Variants in GYPE observed in about 807,000 individuals in gnomAD.
GYPE encodes the protein glycophorin E (MNS blood group).
Under a neutral mutation model 11.6 loss-of-function variants are expected in GYPE, and 8 were observed. The observed-to-expected ratio is 0.69, with a 90% CI of 0.41 to 1.25. GYPE has a LOEUF of 1.25. GYPE is among the 50% of genes most tolerant of loss of function. The pLI is 0.01. For missense variants in GYPE, 90 were observed against 92.8 expected (o/e 0.97, Z 0.12); for synonymous variants, 28 against 29.6 (o/e 0.94, Z 0.18).
At chr4:143,889,751 C>G (rs1248630424) in intron 1 of GYPE, among the ~76,000 whole-genome samples, 3 of 152,148 alleles carry the variant, frequency 2.0e-5, no homozygotes, top group Non-Finnish European at 4.4e-5. Context: ...GTAGTTAACA[C>G]TTACTGCACA....
At chr4:143,883,208 C>G (rs775108430) in intron 1 of GYPE, among the ~76,000 whole-genome samples, 10 of 151,992 alleles carry the variant, frequency 6.6e-5, no homozygotes, top group Non-Finnish European at 1.3e-4. Context: ...CTCCAAGGCT[C>G]TCTCTCCCGA....
chr4:143,872,885 A>G (rs75080303), intron 3 of GYPE, among the ~76,000 whole-genome samples: 2 of 11,080 alleles, frequency 1.8e-4, no homozygotes, highest in African/African-American at 3.0e-3. Flanking sequence ...GAGAGGGTTG[A>G]AGGGGGCAGG....
chr4:143,890,324 C>G lies in GYPE; in HGVS notation c.38-9815G>C, dbSNP rs1744355310. 2.6e-5 allele frequency among the ~76,000 whole-genome samples: 4 copies of G among 152,286 alleles called. No homozygotes were observed. The South Asian group carries it at 8.3e-4, about 32-fold the overall frequency. ...GAATCCTCAGAACAAAAGAGGATTT[C>G]ACATATTTTACCTGTGTCCGCTTTA... On this transcript the variant is annotated intron_variant, in intron 1 of 3. Coordinates refer to ENST00000358615, the MANE Select transcript of GYPE (RefSeq NM_198682.3).
intron 1 of GYPE, among the ~76,000 whole-genome samples, chr4:143,896,841 G>C (rs1440741970): frequency 6.6e-6 from 1 of 152,134 alleles, no homozygotes; most frequent in East Asian, 1.9e-4. Context: ...AAAAGGATGA[G>C]TTCATGTCCT....
rs768746796 is a variant in GYPE at position 143,880,394 on chromosome 4, T to A, written c.136+17A>T. 5 of 1,613,828 alleles carry A rather than the reference T, an allele frequency of 3.1e-6. No individual in the cohort carries two copies. The highest frequency in any genetic ancestry group is 2.2e-5 in the East Asian group (1 of 44,874). ...CGATTTCGGAGCCACAATTTAAAAATAAAAATGAAAACAAACCATTTGTCT... is the reference window on the plus strand; with the variant it reads ...CGATTTCGGAGCCACAATTTAAAAAAAAAAATGAAAACAAACCATTTGTCT... On this transcript the variant is annotated intron_variant, in intron 2 of 3. Coordinates refer to ENST00000358615, the MANE Select transcript of GYPE (RefSeq NM_198682.3).
rs570692659 is a variant in GYPE, at chr4:143,902,491, T to C, written c.37+2980A>G. Among the ~76,000 whole-genome samples the C allele has an allele frequency of 6.5e-4, 99 of 151,992 alleles. 1 individual carries two copies. Among genetic ancestry groups the C allele is most frequent in the African/African-American group, 2.2e-3 (93 of 41,438 alleles). On this transcript the variant is annotated intron_variant, in intron 1 of 3. Transcript: ENST00000358615. Reference sequence around the variant, plus strand: ...CTGTGTCTAACCAGATGAAAACAAATATTTCCTCTTTCCTTTCCTCCTCCC... The same window carrying C: ...CTGTGTCTAACCAGATGAAAACAAACATTTCCTCTTTCCTTTCCTCCTCCC...
chr4:143,883,280 C>A (rs1418965767), intron 1 of GYPE, among the ~76,000 whole-genome samples: 1 of 151,900 alleles, frequency 6.6e-6, no homozygotes, highest in African/African-American at 2.4e-5. Flanking sequence ...CGTCTTTTGC[C>A]ATGATTGTTT....
intron 1 of GYPE, among the ~76,000 whole-genome samples, chr4:143,883,948 G>A (rs960943595): frequency 1.5e-4 from 23 of 152,118 alleles, no homozygotes; most frequent in Non-Finnish European, 2.8e-4. Flanking sequence ...TCAGCAGGAT[G>A]TTAGGGACTA....
intron 1 of GYPE, among the ~76,000 whole-genome samples, chr4:143,883,098 T>G (rs1744099507): frequency 6.6e-6 from 1 of 152,086 alleles, no homozygotes; most frequent in African/African-American, 2.4e-5. Context: ...TTCTCATGGC[T>G]TAACATCATC....
intron 1 of GYPE, among the ~76,000 whole-genome samples, chr4:143,901,289 C>T (rs951959355): frequency 6.6e-6 from 1 of 152,000 alleles, no homozygotes; most frequent in Non-Finnish European, 1.5e-5. Flanking sequence ...CTATGACCAA[C>T]GTACAAAAAT....
At chr4:143,888,649 G>C (rs1223069916) in intron 1 of GYPE, among the ~76,000 whole-genome samples, 9 of 148,086 alleles carry the variant, frequency 6.1e-5, no homozygotes, top group African/African-American at 2.2e-4. Flanking sequence ...GTCTTGGACA[G>C]AATTAACGTA....
chr4:143,902,024 A>T (rs1186277452), intron 1 of GYPE, among the ~76,000 whole-genome samples: 2 of 152,114 alleles, frequency 1.3e-5, no homozygotes, highest in African/African-American at 4.8e-5. Flanking sequence ...GGGTTTACAG[A>T]TGAAAAATGA....
At chr4:143,879,211 T>C (rs560480846) in intron 2 of GYPE, among the ~76,000 whole-genome samples, 1 of 152,328 alleles carries the variant, frequency 6.6e-6, no homozygotes, top group Non-Finnish European at 1.5e-5. Flanking sequence ...ATGGTTGCCT[T>C]ACTGTTCCAC....
At chr4:143,873,267 G>T (rs1444982) in intron 3 of GYPE, 4,815 of 312,854 alleles carry the variant, frequency 0.015, 245 homozygotes, top group African/African-American at 0.096. Context: ...CCTAGAAAAA[G>T]TTTAATAGAC....
At chr4:143,904,531 A>G (rs368425583) in intron 1 of GYPE, among the ~76,000 whole-genome samples, 2 of 152,084 alleles carry the variant, frequency 1.3e-5, no homozygotes, top group East Asian at 1.9e-4. Flanking sequence ...GCACTATTTT[A>G]TCCTCCCCTA....
chr4:143,895,191 A>C (rs1021231684), intron 1 of GYPE, among the ~76,000 whole-genome samples: 3 of 152,164 alleles, frequency 2.0e-5, no homozygotes, highest in African/African-American at 7.2e-5. Context: ...AAGGGTATTC[A>C]ATTAGGAAAA....
In GYPE at chr4:143,902,340, GAAA is replaced by G. The variant is rs201093353; in HGVS notation, c.37+3128_37+3130del. Reference sequence around the variant, plus strand: ...AGCAAGGCTCTCTTCTTGGATCCCTGAAAAAAAAAAAAAAAAAAGAGATGCCTT... The same window carrying G: ...AGCAAGGCTCTCTTCTTGGATCCCTGAAAAAAAAAAAAAAAGAGATGCCTT... On this transcript the variant is annotated intron_variant, in intron 1 of 3. Transcript: ENST00000358615. Among the ~76,000 whole-genome samples the G allele has an allele frequency of 4.8e-3, 645 of 133,680 alleles. 5 individuals are homozygous for G. Among genetic ancestry groups the G allele is most frequent in the Non-Finnish European group, 6.6e-3 (412 of 62,740 alleles). The allele number at this position is 133,680 out of a possible 152,430, so 87.7% of individuals were successfully genotyped here.
At chr4:143,897,817 C>T (rs972585694) in intron 1 of GYPE, among the ~76,000 whole-genome samples, 1 of 151,920 alleles carries the variant, frequency 6.6e-6, no homozygotes, top group Non-Finnish European at 1.5e-5. Context: ...TGCTGAACCA[C>T]TAAAATGGGA....
chr4:143,904,952 G>C (rs1458105376), intron 1 of GYPE, among the ~76,000 whole-genome samples: 2 of 151,964 alleles, frequency 1.3e-5, no homozygotes, highest in Non-Finnish European at 2.9e-5. Context: ...AGTAAGAGTT[G>C]TTTTTGTTTT....
Sources: gnomAD v4.1 joint callset for allele counts (sites outside exome capture counted in the v4.1 genomes callset) on GRCh38, gnomAD v4.1.1 for gene constraint, MANE v1.5 for transcripts, NCBI Gene and HGNC (gene_info 2026-07-23, HGNC 2026-07-21) for gene names.